Variants in RHOQ observed in about 807,000 individuals in gnomAD.
The protein encoded by RHOQ is ras homolog family member Q.
RHOQ carries 7 observed loss-of-function variants against 25.8 expected under a neutral mutation model. The observed-to-expected ratio is 0.27, with a 90% CI of 0.15 to 0.51. The LOEUF (loss-of-function observed/expected upper bound fraction) is 0.51, where lower values mean the gene tolerates loss of function less well. Among genes scored for constraint, RHOQ ranks in the 20% least tolerant of loss-of-function variants. The probability of loss-of-function intolerance (pLI) is 0.97; values close to 1 mark genes in which losing one functional copy is unlikely to be tolerated. For missense variants in RHOQ, 165 were observed against 260.6 expected (o/e 0.63, Z 2.53); for synonymous variants, 97 against 98.6 (o/e 0.98, Z 0.10).
rs1669373382 is a variant in RHOQ, at chr2:46,581,528, G to A, written c.*445G>A. 1.2e-6 allele frequency: 2 copies of A among 1,611,466 alleles called. No individual in the cohort carries two copies. Among genetic ancestry groups the A allele is most frequent in the Non-Finnish European group, 1.7e-6 (2 of 1,179,612 alleles). ...TTTCTATTCCAGTATATCCAGAGTG[G>A]TGAAATAACAAGGCCAGCCACGTAG... On this transcript the variant is annotated 3_prime_UTR_variant, in exon 5 of 5. Transcript: ENST00000238738.
intron 2 of RHOQ, 123 bp from the exon 3 acceptor site, chr2:46,575,964 T>A (rs1669109334): frequency 1.5e-6 from 1 of 660,388 alleles, no homozygotes; most frequent in African/African-American, 1.9e-5. Context: ...TTACTTAGAG[T>A]GCCATACATT....
chr2:46,555,591 C>T lies in RHOQ; in HGVS notation c.201+11779C>T, dbSNP rs1267602142. Among the ~76,000 whole-genome samples the T allele has an allele frequency of 2.0e-5, 3 of 152,192 alleles. No homozygotes were observed. The highest frequency in any genetic ancestry group is 2.9e-5 in the Non-Finnish European group (2 of 68,042). On this transcript the variant is annotated intron_variant, in intron 2 of 4. Transcript: ENST00000238738. The surrounding 1 kb of genome is among the most constrained non-coding windows in gnomAD (Gnocchi z 4.3). ...TAGGTGGCGATTTGAATACATTGAC[C>T]ATTTAAGCAAAGTGGGACTCATTTC... is the stretch of plus-strand genomic sequence containing the variant.
intron 2 of RHOQ, among the ~76,000 whole-genome samples, chr2:46,560,077 C>G (rs1668527679): frequency 6.6e-6 from 1 of 152,120 alleles, no homozygotes; most frequent in Non-Finnish European, 1.5e-5. Context: ...CTCGTTCCAC[C>G]CTCTTGCTTG....
chr2:46,576,149 C>G lies in RHOQ; in HGVS notation c.264C>G (p.Phe88Leu), dbSNP rs1160952946. The G allele has an allele frequency of 6.2e-7, 1 of 1,613,536 alleles. No homozygotes were observed. Reference protein sequence around the residue: ...YPMTDVFLICFSVVNPASFQN... With the variant: ...YPMTDVFLICLSVVNPASFQN... ...TGACCGATGTCTTCCTTATATGCTT[C>G]TCGGTGGTAAATCCAGCCTCATTTC... The change falls in exon 3 of 5, where the codon TTC (phenylalanine) becomes TTG (leucine). Residue 88 changes from phenylalanine to leucine, a missense_variant. Coordinates refer to ENST00000238738, the MANE Select transcript of RHOQ (RefSeq NM_012249.4). This position sits in a 1 kb window ranked among gnomAD's most constrained non-coding sequence, Gnocchi z 5.1.
intron 2 of RHOQ, among the ~76,000 whole-genome samples, chr2:46,559,720 T>G (rs1668512126): frequency 6.6e-6 from 1 of 152,204 alleles, no homozygotes; most frequent in Non-Finnish European, 1.5e-5. Context: ...CCACCCCCAG[T>G]TGAGAACCAC....
At chr2:46,567,311 A>G (rs925661781) in intron 2 of RHOQ, among the ~76,000 whole-genome samples, 1 of 152,192 alleles carries the variant, frequency 6.6e-6, no homozygotes, top group African/African-American at 2.4e-5. Context: ...TTAGTGACTC[A>G]GATACTAACA....
chr2:46,573,578 G>A (rs1275016752), intron 2 of RHOQ, among the ~76,000 whole-genome samples: 3 of 152,150 alleles, frequency 2.0e-5, no homozygotes, highest in African/African-American at 2.4e-5. Context: ...TTGTGCTCAC[G>A]TCTCTCATGG....
intron 2 of RHOQ, among the ~76,000 whole-genome samples, chr2:46,544,747 A>C (rs1667993049): frequency 6.6e-6 from 1 of 152,244 alleles, no homozygotes; most frequent in Admixed American, 6.5e-5. Flanking sequence ...ATACAGACTT[A>C]CATCCTTGAG....
chr2:46,560,664 A>T, intron 2 of RHOQ: 1 of 455,902 alleles, frequency 2.2e-6, no homozygotes, highest in Non-Finnish European at 4.4e-6. Context: ...TAGCTCCAGC[A>T]TCCGCTGTCT....
Position 46,552,243 on chromosome 2 carries a change from TA to T in RHOQ, c.201+8434del, listed in dbSNP as rs59106159. ...TACGGGTGTTTTGTCACTTTGTCCC[TA>T]AACCACCATGCTTCCTCAAAAAGGA... On this transcript the variant is annotated intron_variant, in intron 2 of 4. Coordinates refer to ENST00000238738, the MANE Select transcript of RHOQ (RefSeq NM_012249.4). This position sits in a 1 kb window ranked among gnomAD's most constrained non-coding sequence, Gnocchi z 5.0. 1.3e-5 allele frequency among the ~76,000 whole-genome samples: 2 copies of T among 152,302 alleles called. No individual in the cohort carries two copies. Among genetic ancestry groups the T allele is most frequent in the Non-Finnish European group, 2.9e-5 (2 of 68,028 alleles).
chr2:46,581,397 G>T lies in RHOQ; in HGVS notation c.*314G>T. 2 of 1,537,538 alleles carry T rather than the reference G, an allele frequency of 1.3e-6. No homozygotes were observed. Among genetic ancestry groups the T allele is most frequent in the Non-Finnish European group, 1.8e-6 (2 of 1,139,486 alleles). ...CTACGTAAAAAACAGAGCTGTAAAT[G>T]GAACTGCTTGGCTTTGACCATACAC... On this transcript the variant is annotated 3_prime_UTR_variant, in exon 5 of 5. Coordinates refer to ENST00000238738, the MANE Select transcript of RHOQ (RefSeq NM_012249.4).
At position 46,583,923 on chromosome 2, in the gene RHOQ, A is replaced by G. The variant is rs1393868795; in HGVS notation, c.*2840A>G. Among the ~76,000 whole-genome samples, 1 of 152,180 alleles carries G rather than the reference A, an allele frequency of 6.6e-6. No homozygotes were observed. The highest frequency in any genetic ancestry group is 2.4e-5 in the African/African-American group (1 of 41,454). ...ATTAGTTCTAAAGTTCTTAAAAATAAATTTAGGGGCTCCCTGAAATTTTAT... is the reference window on the plus strand; with the variant it reads ...ATTAGTTCTAAAGTTCTTAAAAATAGATTTAGGGGCTCCCTGAAATTTTAT... On this transcript the variant is annotated 3_prime_UTR_variant, in exon 5 of 5. Transcript: ENST00000238738.
In RHOQ at chr2:46,579,620, G is replaced by A. The variant is rs539344447; in HGVS notation, c.463-1308G>A. Among the ~76,000 whole-genome samples the A allele has an allele frequency of 3.9e-5, 6 of 152,306 alleles. No homozygotes were observed. In the East Asian group the frequency reaches 1.2e-3, roughly 29 times the overall value. On this transcript the variant is annotated intron_variant, in intron 4 of 4. Coordinates refer to ENST00000238738, the MANE Select transcript of RHOQ (RefSeq NM_012249.4). ...AATCCCAGCACTTTGGGAGCCCGAG[G>A]CGGGCAGAATTACCTGAGGTTGGGA...
At chr2:46,573,334 A>T (rs1668999035) in intron 2 of RHOQ, among the ~76,000 whole-genome samples, 1 of 152,204 alleles carries the variant, frequency 6.6e-6, no homozygotes, top group Non-Finnish European at 1.5e-5. Flanking sequence ...TGCTGGGATT[A>T]CAGGTGTGGG....
Position 46,543,486 on chromosome 2 carries a change from G to T in RHOQ, c.143-268G>T, listed in dbSNP as rs556536403. 457 of 600,286 alleles carry T rather than the reference G, an allele frequency of 7.6e-4. 3 individuals are homozygous for T. Among genetic ancestry groups the T allele is most frequent in the South Asian group, 2.8e-3 (140 of 49,912 alleles). The allele number at this position is 600,286 out of a possible 1,614,324, so 37.2% of individuals were successfully genotyped here. A position where few individuals can be genotyped will look rare whatever the true frequency, so the allele number is the denominator to read the frequency against. On this transcript the variant is annotated intron_variant, in intron 1 of 4. Coordinates refer to ENST00000238738, the MANE Select transcript of RHOQ (RefSeq NM_012249.4). ...ACATCCCCTTTCCTACTGCCCCAAG[G>T]CCCCGGGGGAAATATTCGAGGGGAC...
chr2:46,575,001 C>T (rs978478172), intron 2 of RHOQ, among the ~76,000 whole-genome samples: 8 of 152,074 alleles, frequency 5.3e-5, no homozygotes, highest in African/African-American at 1.2e-4. Context: ...AAATGGAATC[C>T]GGACTCTGTT....
chr2:46,571,941 GAAGT>G (rs1209299976), intron 2 of RHOQ, among the ~76,000 whole-genome samples: 1 of 152,066 alleles, frequency 6.6e-6, no homozygotes, highest in East Asian at 1.9e-4. Context: ...GAATAGTGCA[GAAGT>G]AAGGCTCATG....
chr2:46,554,849 T>C (rs1358580177), intron 2 of RHOQ, among the ~76,000 whole-genome samples: 1 of 151,486 alleles, frequency 6.6e-6, no homozygotes, highest in Admixed American at 6.6e-5. Flanking sequence ...TCAAATGGCA[T>C]AATGGTTGGG....
intron 2 of RHOQ, among the ~76,000 whole-genome samples, chr2:46,545,919 A>C (rs1668028694): frequency 6.6e-6 from 1 of 152,178 alleles, no homozygotes; most frequent in South Asian, 2.1e-4. Context: ...GAGGATCATA[A>C]GATATAGACC....
Sources: allele counts gnomAD v4.1 joint callset (sites outside exome capture counted in the v4.1 genomes callset), GRCh38; gene constraint gnomAD v4.1.1; non-coding constraint Gnocchi (gnomAD v3.1); transcripts MANE v1.5; gene names NCBI Gene and HGNC (gene_info 2026-07-23, HGNC 2026-07-21).